AGAP1: variants seen among roughly 807,000 people sequenced by gnomAD.
AGAP1 encodes the protein ArfGAP with GTPase domain, ankyrin repeat and PH domain 1, also known as arf-GAP with GTPase, ANK repeat and PH domain-containing protein 1.
Under a neutral mutation model 105.3 loss-of-function variants are expected in AGAP1, and 29 were observed. That is an observed-to-expected ratio of 0.28 (90% CI 0.21 to 0.38). The LOEUF (loss-of-function observed/expected upper bound fraction) is 0.38. AGAP1 is among the 10% of genes least tolerant of loss of function. AGAP1 has a pLI of 1.00. For missense variants in AGAP1, 998 were observed against 1,165.1 expected, an observed-to-expected ratio of 0.86 and a Z score of 2.09; for synonymous variants, 509 against 485.9, an observed-to-expected ratio of 1.05 and a Z score of -0.63.
intron 15 of AGAP1, among the ~76,000 whole-genome samples, chr2:236,048,225 G>A (rs1242816826): frequency 1.3e-5 from 2 of 152,236 alleles, no homozygotes; most frequent in African/African-American, 4.8e-5. Flanking sequence ...CTAGCGTGAA[G>A]TCAACCCGGG....
At chr2:235,816,392 C>G (rs577157835) in intron 9 of AGAP1, among the ~76,000 whole-genome samples, 3 of 143,850 alleles carry the variant, frequency 2.1e-5, no homozygotes, top group Non-Finnish European at 4.5e-5. Flanking sequence ...GAGCCAAGAT[C>G]GCACCACTGC....
intron 6 of AGAP1, among the ~76,000 whole-genome samples, chr2:235,791,410 T>C (rs1309931860): frequency 1.3e-5 from 2 of 152,106 alleles, no homozygotes; most frequent in Non-Finnish European, 2.9e-5. Context: ...GATTCTTTCT[T>C]TTTCTTTTCT....
rs2054123602 is a variant in AGAP1 at position 235,960,207 on chromosome 2, G to A, written c.1484-8255G>A. Among the ~76,000 whole-genome samples the A allele has an allele frequency of 6.6e-6, 1 of 152,202 alleles. No homozygotes were observed. The highest frequency in any genetic ancestry group is 2.1e-4 in the South Asian group (1 of 4,824). ...TGGTGCTGCTTCCAGGATCACAGGT[G>A]CTTTGCACACGTCAGTTACTCGAGT... On this transcript the variant is annotated intron_variant, in intron 12 of 17. Transcript: ENST00000304032. The surrounding 1 kb of genome is among the most constrained non-coding windows in gnomAD (Gnocchi z 4.9).
At chr2:235,898,077 T>C (rs2050891704) in intron 10 of AGAP1, among the ~76,000 whole-genome samples, 1 of 152,220 alleles carries the variant, frequency 6.6e-6, no homozygotes, top group African/African-American at 2.4e-5. Flanking sequence ...GTTACAACTC[T>C]AGGCTAAAAA....
In AGAP1 at chr2:235,763,064, G is replaced by A. The variant is rs1373879765; in HGVS notation, c.673+12576G>A. On this transcript the variant is annotated intron_variant, in intron 6 of 17. Coordinates refer to ENST00000304032, the MANE Select transcript of AGAP1 (RefSeq NM_001037131.3). Reference sequence around the variant, plus strand: ...TGTGTGTGTGTGTATGTGTGCGCGCGCGCGCACACGTGCACCTGCCGTGTT... The same window carrying A: ...TGTGTGTGTGTGTATGTGTGCGCGCACGCGCACACGTGCACCTGCCGTGTT... Among the ~76,000 whole-genome samples the A allele has an allele frequency of 1.4e-4, 13 of 96,178 alleles. No individual in the cohort carries two copies. The South Asian group carries it at 1.6e-3, about 12-fold the overall frequency. 63.1% of individuals were successfully genotyped at this position (96,178 alleles called of 152,430 possible). A position where few individuals can be genotyped will look rare whatever the true frequency, so the allele number is the denominator to read the frequency against.
chr2:235,803,192 TGTG>T (rs1225715137), intron 8 of AGAP1, among the ~76,000 whole-genome samples: 17 of 138,408 alleles, frequency 1.2e-4, no homozygotes, highest in African/African-American at 3.0e-4. Context: ...TGATGATGGT[TGTG>T]GTGGTAGTGG....
At chr2:235,939,537 CCTT>C (rs2053156686) in intron 12 of AGAP1, among the ~76,000 whole-genome samples, 1 of 151,710 alleles carries the variant, frequency 6.6e-6, no homozygotes, top group Admixed American at 6.6e-5. Context: ...TTCCACCTCT[CCTT>C]CTATTCTCCT....
chr2:235,670,637 A>G (rs1205143794), intron 1 of AGAP1: 1 of 626,840 alleles, frequency 1.6e-6, no homozygotes, highest in Non-Finnish European at 2.8e-6. Context: ...CAGCTCCGGG[A>G]GCCTGGCCTG....
In AGAP1 at chr2:235,553,646, T is replaced by G. The variant is rs1043343910; in HGVS notation, c.163+58797T>G. Reference sequence around the variant, plus strand: ...GGTCCCTGGTGACCCAGGTACAGTTTACGTCTGGAGCCAGCATTTGGAAAG... The same window carrying G: ...GGTCCCTGGTGACCCAGGTACAGTTGACGTCTGGAGCCAGCATTTGGAAAG... On this transcript the variant is annotated intron_variant, in intron 1 of 17. Coordinates refer to ENST00000304032, the MANE Select transcript of AGAP1 (RefSeq NM_001037131.3). This position sits in a 1 kb window ranked among gnomAD's most constrained non-coding sequence, Gnocchi z 4.5. 2.6e-5 allele frequency among the ~76,000 whole-genome samples: 4 copies of G among 152,000 alleles called. No individual in the cohort carries two copies. The highest frequency in any genetic ancestry group is 7.3e-5 in the African/African-American group (3 of 41,376).
In AGAP1 at chr2:235,540,537, A is replaced by C. The variant is rs150684785; in HGVS notation, c.163+45688A>C. ...AGAGAAAAGGGCCTGGTTATCAGAG[A>C]TGCAAAATAAATGATGATTTTAAAG... On this transcript the variant is annotated intron_variant, in intron 1 of 17. Transcript: ENST00000304032. 4.7e-4 allele frequency among the ~76,000 whole-genome samples: 71 copies of C among 152,350 alleles called. No individual in the cohort carries two copies. In the East Asian group the frequency reaches 0.012, roughly 27 times the overall value.
At position 235,738,278 on chromosome 2, in the gene AGAP1, T is replaced by C. The variant is rs76978893; in HGVS notation, c.311-2685T>C. Among the ~76,000 whole-genome samples, 357 of 152,224 alleles carry C rather than the reference T, an allele frequency of 2.3e-3. 4 individuals carry two copies. The highest frequency in any genetic ancestry group is 0.02 in the East Asian group (105 of 5,164). On this transcript the variant is annotated intron_variant, in intron 3 of 17. Transcript: ENST00000304032. Reference sequence around the variant, plus strand: ...GGCAGGGATGGTGAGGATCCCTGTTTGCTGAGCTCCTCTGTCCCAAGCAGG... The same window carrying C: ...GGCAGGGATGGTGAGGATCCCTGTTCGCTGAGCTCCTCTGTCCCAAGCAGG...
At chr2:235,885,870 T>C (rs2050251387) in intron 10 of AGAP1, among the ~76,000 whole-genome samples, 2 of 152,226 alleles carry the variant, frequency 1.3e-5, no homozygotes, top group Non-Finnish European at 2.9e-5. Flanking sequence ...TACATAGATA[T>C]TCTTTATTGC....
At chr2:235,500,020 C>G (rs1941495373) in intron 1 of AGAP1, among the ~76,000 whole-genome samples, 1 of 151,968 alleles carries the variant, frequency 6.6e-6, no homozygotes, top group Non-Finnish European at 1.5e-5. Context: ...GGGTTAGACA[C>G]CTTTTGGATT....
At position 235,689,501 on chromosome 2, in the gene AGAP1, G is replaced by A. The variant is rs559361672; in HGVS notation, c.164-19678G>A. On this transcript the variant is annotated intron_variant, in intron 1 of 17. Transcript: ENST00000304032. This position sits in a 1 kb window ranked among gnomAD's most constrained non-coding sequence, Gnocchi z 4.2. ...AGCTTGTCCAGGAAAATAATAGTGC[G>A]TTTGTAAGCCAGAGAAAGATGGTAC... is the stretch of plus-strand genomic sequence containing the variant. Among the ~76,000 whole-genome samples the A allele has an allele frequency of 2.1e-4, 32 of 152,364 alleles. No individual in the cohort carries two copies. The highest frequency in any genetic ancestry group is 6.3e-4 in the African/African-American group (26 of 41,584).
chr2:235,791,730 T>G (rs539932363), intron 6 of AGAP1, among the ~76,000 whole-genome samples: 16 of 152,082 alleles, frequency 1.1e-4, no homozygotes, highest in Non-Finnish European at 1.5e-4. Flanking sequence ...GTATTTTTAG[T>G]AGAGACAAGG....
intron 1 of AGAP1, among the ~76,000 whole-genome samples, chr2:235,704,996 T>TTG (rs1559374007): frequency 7.4e-6 from 1 of 135,222 alleles, no homozygotes; most frequent in Non-Finnish European, 1.6e-5. Context: ...TTTTTTTTTT[T>TTG]GCGACAGAGT....
intron 13 of AGAP1, among the ~76,000 whole-genome samples, chr2:235,995,286 G>T (rs2055762083): frequency 6.6e-6 from 1 of 151,938 alleles, no homozygotes; most frequent in Non-Finnish European, 1.5e-5. Context: ...GAGCCGAGGT[G>T]GGCAGATCAC....
At chr2:235,495,636 A>G (rs1941284102) in intron 1 of AGAP1, among the ~76,000 whole-genome samples, 1 of 152,238 alleles carries the variant, frequency 6.6e-6, no homozygotes, top group African/African-American at 2.4e-5. Context: ...AGGCAGGGCC[A>G]TGGCCTTCCA....
chr2:235,651,888 A>G (rs1947607038), intron 1 of AGAP1, among the ~76,000 whole-genome samples: 1 of 152,214 alleles, frequency 6.6e-6, no homozygotes. Context: ...GGACAGGCAT[A>G]TAAAGGCAGC....
Sources: allele counts gnomAD v4.1 joint callset (sites outside exome capture counted in the v4.1 genomes callset), GRCh38; gene constraint gnomAD v4.1.1; non-coding constraint Gnocchi (gnomAD v3.1); transcripts MANE v1.5; gene names NCBI Gene and HGNC (gene_info 2026-07-23, HGNC 2026-07-21).